The following ERBB4 variants were observed in gnomAD, a reference collection of about 807,000 sequenced individuals.
ERBB4 encodes the protein receptor tyrosine-protein kinase erbB-4.
ERBB4 carries 42 observed loss-of-function variants against 158.0 expected under a neutral mutation model. That is an observed-to-expected ratio of 0.27 (90% CI 0.21 to 0.34). The LOEUF is 0.34. ERBB4 is among the 10% of genes least tolerant of loss of function. The probability of loss-of-function intolerance (pLI) is 1.00; values close to 1 mark genes in which losing one functional copy is unlikely to be tolerated. For synonymous variants in ERBB4, 583 were observed against 558.7 expected (o/e 1.04, Z -0.61); for missense variants, 1,333 against 1,624.1 (o/e 0.82, Z 3.08).
At chr2:212,212,652 A>C (rs1324814152) in intron 1 of ERBB4, among the ~76,000 whole-genome samples, 1 of 152,138 alleles carries the variant, frequency 6.6e-6, no homozygotes, top group Non-Finnish European at 1.5e-5. Flanking sequence ...GCGTCAGGCT[A>C]CCTGACTTCA....
intron 20 of ERBB4, among the ~76,000 whole-genome samples, chr2:211,530,105 C>T (rs866731169): frequency 6.6e-6 from 1 of 152,192 alleles, no homozygotes; most frequent in Middle Eastern, 3.4e-3. Flanking sequence ...AACCTAAAGA[C>T]TCCACCAAAA....
chr2:212,066,992 T>C (rs1371497377), intron 2 of ERBB4, among the ~76,000 whole-genome samples: 1 of 152,022 alleles, frequency 6.6e-6, no homozygotes, highest in Non-Finnish European at 1.5e-5. Flanking sequence ...GAAAGAATTA[T>C]GGTTTTTATA....
intron 1 of ERBB4, among the ~76,000 whole-genome samples, chr2:212,226,203 A>G (rs2083463375): frequency 6.6e-6 from 1 of 152,146 alleles, no homozygotes; most frequent in South Asian, 2.1e-4. Context: ...GCTGTTGGCC[A>G]GTAAGAAAAT....
At chr2:211,871,337 T>C (rs566420134) in intron 3 of ERBB4, among the ~76,000 whole-genome samples, 2 of 152,236 alleles carry the variant, frequency 1.3e-5, no homozygotes, top group South Asian at 4.1e-4. Flanking sequence ...ATTTCTAAAA[T>C]AAATAAATAA....
intron 1 of ERBB4, among the ~76,000 whole-genome samples, chr2:212,534,081 C>G (rs949417430): frequency 1.3e-5 from 2 of 152,140 alleles, no homozygotes; most frequent in Admixed American, 6.6e-5. Flanking sequence ...ACATGGATAT[C>G]CAACAGTAGC....
intron 1 of ERBB4, among the ~76,000 whole-genome samples, chr2:212,286,129 C>G (rs1416012827): frequency 2.6e-5 from 4 of 152,100 alleles, no homozygotes; most frequent in African/African-American, 9.7e-5. Flanking sequence ...GATTTCAAAG[C>G]AAGAGGTACA....
In ERBB4 at chr2:211,704,207, A is replaced by T. The variant is rs1340280587; in HGVS notation, c.1199-13T>A. On this transcript the variant is annotated splice_polypyrimidine_tract_variant and intron_variant, in intron 10 of 27. Transcript: ENST00000342788. ...ATGTTCAGGAAACCTACAAGTGAAG[A>T]GTAGAAAAAATAAATCAGAATATCA... The T allele has an allele frequency of 6.6e-7, 1 of 1,518,176 alleles. No homozygotes were observed. The highest frequency in any genetic ancestry group is 1.7e-5 in the Admixed American group (1 of 59,918). The allele number at this position is 1,518,176 out of a possible 1,614,324, so 94.0% of individuals were successfully genotyped here.
intron 2 of ERBB4, among the ~76,000 whole-genome samples, chr2:212,003,206 A>C: frequency 2.1e-5 from 1 of 47,044 alleles, no homozygotes. Context: ...AGAAAGAAAG[A>C]CAGAAAGAAG....
At chr2:211,937,039 T>A (rs559860389) in intron 3 of ERBB4, among the ~76,000 whole-genome samples, 1 of 152,324 alleles carries the variant, frequency 6.6e-6, no homozygotes, top group South Asian at 2.1e-4. Flanking sequence ...TATATTGAAC[T>A]TCTAGCCTAT....
At chr2:212,370,832 C>A (rs2090059959) in intron 1 of ERBB4, among the ~76,000 whole-genome samples, 1 of 152,076 alleles carries the variant, frequency 6.6e-6, no homozygotes, top group Non-Finnish European at 1.5e-5. Context: ...TAACTCTTTA[C>A]CTTTAGTTAT....
At chr2:211,864,596 G>A (rs920033126) in intron 3 of ERBB4, among the ~76,000 whole-genome samples, 13 of 152,102 alleles carry the variant, frequency 8.5e-5, no homozygotes, top group African/African-American at 1.9e-4. Context: ...TGATATTTAC[G>A]TACCAAGAGA....
chr2:211,850,748 G>A (rs922336533), intron 3 of ERBB4, among the ~76,000 whole-genome samples: 1 of 151,922 alleles, frequency 6.6e-6, no homozygotes, highest in South Asian at 2.1e-4. Flanking sequence ...GAGGCTGTTA[G>A]GGGCCAGATC....
At chr2:212,252,444 T>C (rs2084573602) in intron 1 of ERBB4, among the ~76,000 whole-genome samples, 3 of 151,512 alleles carry the variant, frequency 2.0e-5, no homozygotes, top group Admixed American at 2.0e-4. Flanking sequence ...AGACTAAAAC[T>C]AAAATGTAAG....
At chr2:211,950,185 C>T (rs2080835861) in intron 2 of ERBB4, among the ~76,000 whole-genome samples, 1 of 152,174 alleles carries the variant, frequency 6.6e-6, no homozygotes, top group Non-Finnish European at 1.5e-5. Context: ...ACTGTAATGT[C>T]ATCTTCCCCA....
rs1436325289 is a variant in ERBB4 at position 212,458,822 on chromosome 2, T to C, written c.82+79627A>G. Among the ~76,000 whole-genome samples the C allele has an allele frequency of 2.6e-5, 4 of 152,116 alleles. No individual in the cohort carries two copies. The East Asian group carries it at 7.7e-4, about 29-fold the overall frequency. Reference sequence around the variant, plus strand: ...TGTTTAGAAACAAAAATTAATAAACTTTGTAGATATATTTGGGTCGGAAAA... The same window carrying C: ...TGTTTAGAAACAAAAATTAATAAACCTTGTAGATATATTTGGGTCGGAAAA... On this transcript the variant is annotated intron_variant, in intron 1 of 27. Coordinates refer to ENST00000342788, the MANE Select transcript of ERBB4 (RefSeq NM_005235.3).
chr2:211,798,053 T>C (rs2105882168), intron 3 of ERBB4, among the ~76,000 whole-genome samples: 1 of 152,148 alleles, frequency 6.6e-6, no homozygotes, highest in Non-Finnish European at 1.5e-5. Context: ...TATACATGTA[T>C]ACAATATTTG....
At chr2:212,122,782 T>C (rs2079797129) in intron 2 of ERBB4, among the ~76,000 whole-genome samples, 1 of 151,688 alleles carries the variant, frequency 6.6e-6, no homozygotes, top group Non-Finnish European at 1.5e-5. Context: ...TATTATAAAA[T>C]ATATAAAAAG....
intron 1 of ERBB4, among the ~76,000 whole-genome samples, chr2:212,169,718 A>T (rs1462065006): frequency 6.6e-6 from 1 of 152,076 alleles, no homozygotes; most frequent in Non-Finnish European, 1.5e-5. Context: ...AGGTGATTGG[A>T]TCATGGCGGT....
intron 20 of ERBB4, among the ~76,000 whole-genome samples, chr2:211,547,784 G>A (rs934134303): frequency 6.6e-6 from 1 of 151,836 alleles, no homozygotes; most frequent in African/African-American, 2.4e-5. Context: ...TACCGTAAAA[G>A]TACTAGCTGA....
Sources: gnomAD v4.1 joint callset for allele counts (sites outside exome capture counted in the v4.1 genomes callset) on GRCh38, gnomAD v4.1.1 for gene constraint, MANE v1.5 for transcripts, NCBI Gene and HGNC (gene_info 2026-07-23, HGNC 2026-07-21) for gene names.